PSMA8: variants seen among roughly 807,000 people sequenced by gnomAD.
PSMA8 encodes proteasome 20S subunit alpha 8, also known as proteasome subunit alpha-type 8.
PSMA8 carries 18 observed loss-of-function variants against 32.4 expected under a neutral mutation model. The ratio of observed to expected loss-of-function variants is 0.56; its 90% CI spans 0.38 to 0.82. PSMA8 has a LOEUF of 0.82. Among genes scored for constraint, PSMA8 ranks in the 40% least tolerant of loss-of-function variants. PSMA8 has a pLI of 0.00. For missense variants in PSMA8, 298 were observed against 300.7 expected, an observed-to-expected ratio of 0.99 and a Z score of 0.07; for synonymous variants, 104 against 98.1, an observed-to-expected ratio of 1.06 and a Z score of -0.36.
intron 1 of PSMA8, among the ~76,000 whole-genome samples, chr18:26,138,895 G>A (rs1305917482): frequency 6.6e-6 from 1 of 152,226 alleles, no homozygotes; most frequent in Non-Finnish European, 1.5e-5. Context: ...TGCCTGCTAA[G>A]TAAATGGTAC....
chr18:26,161,643 C>T (rs1350927866), intron 4 of PSMA8, among the ~76,000 whole-genome samples: 1 of 152,162 alleles, frequency 6.6e-6, no homozygotes, highest in African/African-American at 2.4e-5. Flanking sequence ...GAAGCTGAGG[C>T]AGGAGAATGG....
At chr18:26,142,830 A>G (rs902066794) in intron 1 of PSMA8, among the ~76,000 whole-genome samples, 3 of 152,136 alleles carry the variant, frequency 2.0e-5, no homozygotes, top group Non-Finnish European at 4.4e-5. Flanking sequence ...CCAGTCAACC[A>G]TCATGACCTA....
intron 2 of PSMA8, among the ~76,000 whole-genome samples, chr18:26,145,565 T>G (rs2054996098): frequency 6.6e-6 from 1 of 152,246 alleles, no homozygotes; most frequent in African/African-American, 2.4e-5. Flanking sequence ...CTATCTATTC[T>G]GTATCTCTAT....
rs553303353 is a variant in PSMA8 at position 26,135,974 on chromosome 18, G to C, written c.102+1907G>C. On this transcript the variant is annotated intron_variant, in intron 1 of 6. Coordinates refer to ENST00000415576, the MANE Select transcript of PSMA8 (RefSeq NM_001025096.2). Reference sequence around the variant, plus strand: ...TTTACATAGGGTAAAGTTTTTTAATGGCACTTGATTATTAAAATATGTCAC... The same window carrying C: ...TTTACATAGGGTAAAGTTTTTTAATCGCACTTGATTATTAAAATATGTCAC... Among the ~76,000 whole-genome samples, 28 of 152,236 alleles carry C rather than the reference G, an allele frequency of 1.8e-4. 1 individual carries two copies. In the South Asian group the frequency reaches 5.6e-3, roughly 30 times the overall value.
chr18:26,167,478 A>C (rs141853875), intron 4 of PSMA8, among the ~76,000 whole-genome samples: 1 of 152,340 alleles, frequency 6.6e-6, no homozygotes, highest in Admixed American at 6.5e-5. Flanking sequence ...TGTTTATATT[A>C]ACATGTGTTA....
At chr18:26,157,775 A>G (rs1487714071) in intron 3 of PSMA8, among the ~76,000 whole-genome samples, 2 of 152,192 alleles carry the variant, frequency 1.3e-5, no homozygotes, top group African/African-American at 4.8e-5. Context: ...TCCAAAGCAC[A>G]GCTTATTGAA....
chr18:26,176,629 A>G (rs1181185507), intron 4 of PSMA8, among the ~76,000 whole-genome samples: 1 of 152,186 alleles, frequency 6.6e-6, no homozygotes, highest in Non-Finnish European at 1.5e-5. Flanking sequence ...TCTCTTTCCC[A>G]TAATCATAAT....
chr18:26,163,754 A>C (rs2055157251), intron 4 of PSMA8, among the ~76,000 whole-genome samples: 1 of 152,184 alleles, frequency 6.6e-6, no homozygotes, highest in African/African-American at 2.4e-5. Context: ...AGCCATTTGA[A>C]GTTTTTACAT....
At position 26,144,597 on chromosome 18, in the gene PSMA8, A is replaced by G; in HGVS notation, c.141A>G (p.Val47=). ...IRGTNIVVLG[V]EKKSVAKLQD... ...GTACCAATATAGTTGTTCTTGGGGT[A>G]GAAAAAAAATCTGTTGCCAAGCTTC... The change falls in exon 2 of 7, where the codon GTA becomes GTG. Residue 47 remains valine, a synonymous_variant. Transcript: ENST00000415576. 6.2e-7 allele frequency: 1 copy of G among 1,613,508 alleles called. No homozygotes were observed. The highest frequency in any genetic ancestry group is 8.5e-7 in the Non-Finnish European group (1 of 1,179,484).
intron 4 of PSMA8, among the ~76,000 whole-genome samples, chr18:26,166,494 T>C (rs1202634161): frequency 6.6e-6 from 1 of 152,204 alleles, no homozygotes; most frequent in Non-Finnish European, 1.5e-5. Flanking sequence ...TTCTTTTTGA[T>C]GAAACCATAA....
At chr18:26,178,611 CA>C (rs918187781) in intron 4 of PSMA8, among the ~76,000 whole-genome samples, 3 of 151,864 alleles carry the variant, frequency 2.0e-5, no homozygotes, top group Admixed American at 6.6e-5. Flanking sequence ...CTAAAACAAA[CA>C]AAAAAAGGAA....
rs763285306 is a variant in PSMA8 at position 26,178,967 on chromosome 18, G to A, written c.597+18G>A. ...TGCTAGAAGTAAGTGATCTAATAAA[G>A]CATATTCAGGAAATCATGAATTTTT... On this transcript the variant is annotated intron_variant, in intron 5 of 6. Coordinates refer to ENST00000415576, the MANE Select transcript of PSMA8 (RefSeq NM_001025096.2). 7 of 1,606,032 alleles carry A rather than the reference G, an allele frequency of 4.4e-6. No individual in the cohort carries two copies. The highest frequency in any genetic ancestry group is 5.9e-6 in the Non-Finnish European group (7 of 1,177,820).
chr18:26,162,546 C>T (rs2055143585), intron 4 of PSMA8, among the ~76,000 whole-genome samples: 1 of 152,252 alleles, frequency 6.6e-6, no homozygotes, highest in East Asian at 1.9e-4. Flanking sequence ...TGATTATTAA[C>T]ATTTTTAATG....
chr18:26,164,274 C>T (rs895768397), intron 4 of PSMA8, among the ~76,000 whole-genome samples: 14 of 151,966 alleles, frequency 9.2e-5, no homozygotes, highest in African/African-American at 3.4e-4. Context: ...CTTGTCTCTA[C>T]AAAATTAAAA....
intron 4 of PSMA8, 148 bp downstream of exon 4, chr18:26,158,392 TG>T (rs1440007046): frequency 1.5e-6 from 1 of 685,012 alleles, no homozygotes; most frequent in East Asian, 3.0e-5. Context: ...GAAACTACAA[TG>T]ATTTTGGTTG....
intron 6 of PSMA8, 47 bp from the exon 7 acceptor site, chr18:26,192,272 T>G: frequency 1.5e-6 from 2 of 1,337,550 alleles, no homozygotes; most frequent in Non-Finnish European, 2.0e-6. Flanking sequence ...ATTTACATAT[T>G]ATTCGTATAA....
intron 4 of PSMA8, among the ~76,000 whole-genome samples, chr18:26,163,410 G>A (rs560005667): frequency 2.0e-5 from 3 of 151,920 alleles, no homozygotes; most frequent in South Asian, 2.1e-4. Context: ...ATTTGCTTTG[G>A]TGTTCCAAAC....
intron 2 of PSMA8, among the ~76,000 whole-genome samples, chr18:26,150,129 A>G (rs2055033671): frequency 6.6e-6 from 1 of 152,194 alleles, no homozygotes; most frequent in South Asian, 2.1e-4. Flanking sequence ...CAGATTAGGG[A>G]TGCCCAACCA....
At chr18:26,178,426 A>G (rs115535591) in intron 4 of PSMA8, among the ~76,000 whole-genome samples, 2,312 of 152,254 alleles carry the variant, frequency 0.015, 62 homozygotes, top group African/African-American at 0.052. Flanking sequence ...CCTGGGCAAC[A>G]TAGCAAGACT....
Sources: gnomAD v4.1 joint callset for allele counts (sites outside exome capture counted in the v4.1 genomes callset) on GRCh38, gnomAD v4.1.1 for gene constraint, MANE v1.5 for transcripts, NCBI Gene and HGNC (gene_info 2026-07-23, HGNC 2026-07-21) for gene names.